Variants in KATNIP observed in about 807,000 individuals in gnomAD.
KATNIP encodes the protein katanin-interacting protein.
KATNIP carries 126 observed loss-of-function variants against 174.0 expected under a neutral mutation model. That is an observed-to-expected ratio of 0.72 (90% CI 0.63 to 0.84). The LOEUF (loss-of-function observed/expected upper bound fraction) is 0.84, where lower values mean the gene tolerates loss of function less well. KATNIP is among the 40% of genes least tolerant of loss of function. KATNIP has a pLI of 0.00. For missense variants in KATNIP, 1,958 were observed against 2,109.7 expected (o/e 0.93, Z 1.41); for synonymous variants, 810 against 835.7 (o/e 0.97, Z 0.53).
At chr16:27,699,666 A>G (rs2079031219) in intron 10 of KATNIP, 67 bp downstream of exon 10, 1 of 1,606,790 alleles carries the variant, frequency 6.2e-7, no homozygotes, top group African/African-American at 1.3e-5. Context: ...GGTGCCAGGC[A>G]GAGATGAATG....
intron 17 of KATNIP, 140 bp from the exon 18 acceptor site, chr16:27,754,033 C>A: frequency 1.4e-6 from 1 of 711,042 alleles, no homozygotes; most frequent in Non-Finnish European, 2.5e-6. Flanking sequence ...TCCACAAAGG[C>A]AGAAAAATCC....
chr16:27,579,415 T>G (rs1387719015), intron 2 of KATNIP, among the ~76,000 whole-genome samples: 1 of 152,106 alleles, frequency 6.6e-6, no homozygotes, highest in Non-Finnish European at 1.5e-5. Context: ...TGGAGAGGGT[T>G]AATACAGTCA....
intron 18 of KATNIP, chr16:27,754,488 G>A: frequency 1.8e-6 from 1 of 542,932 alleles, no homozygotes; most frequent in South Asian, 2.2e-5. Context: ...CTTCCCTGAG[G>A]GGCATTTTTG....
In KATNIP at chr16:27,713,827, T is replaced by C. The variant is rs59370328; in HGVS notation, c.1605+4907T>C. On this transcript the variant is annotated intron_variant, in intron 13 of 27. Transcript: ENST00000261588. Reference sequence around the variant, plus strand: ...GTATATACATATATATATATATATATATATATATATATATATATATATATA... The same window carrying C: ...GTATATACATATATATATATATATACATATATATATATATATATATATATA... Among the ~76,000 whole-genome samples, 27 of 64,704 alleles carry C rather than the reference T, an allele frequency of 4.2e-4. 1 individual carries two copies. The East Asian group carries it at 0.011, about 25-fold the overall frequency. 42.4% of individuals were successfully genotyped at this position (64,704 alleles called of 152,430 possible).
chr16:27,766,855 G>A (rs1437330796), intron 20 of KATNIP, among the ~76,000 whole-genome samples: 2 of 152,162 alleles, frequency 1.3e-5, no homozygotes, highest in East Asian at 3.9e-4. Context: ...CCAATGGGAG[G>A]TGGGTGTGAT....
At chr16:27,624,086 G>A (rs1317840621) in intron 3 of KATNIP, among the ~76,000 whole-genome samples, 1 of 152,194 alleles carries the variant, frequency 6.6e-6, no homozygotes, top group East Asian at 1.9e-4. Flanking sequence ...AAAGGTCCAG[G>A]TGAGGCCCCC....
intron 6 of KATNIP, among the ~76,000 whole-genome samples, chr16:27,663,808 CTA>C (rs2077601233): frequency 1.3e-5 from 2 of 151,252 alleles, no homozygotes; most frequent in South Asian, 2.1e-4. Flanking sequence ...TTTTCCCCTC[CTA>C]TATGTTTATT....
intron 13 of KATNIP, among the ~76,000 whole-genome samples, chr16:27,713,098 A>T (rs1376808620): frequency 6.6e-6 from 1 of 152,128 alleles, no homozygotes; most frequent in Non-Finnish European, 1.5e-5. Context: ...ATCAGCCACC[A>T]TACCCAGCCC....
chr16:27,618,995 A>G (rs1023604821), intron 3 of KATNIP, among the ~76,000 whole-genome samples: 2 of 152,258 alleles, frequency 1.3e-5, no homozygotes, highest in African/African-American at 4.8e-5. Flanking sequence ...AAAAGCTTGC[A>G]GTAGGTCCAG....
intron 13 of KATNIP, among the ~76,000 whole-genome samples, chr16:27,720,456 A>G (rs552489145): frequency 6.7e-6 from 1 of 148,404 alleles, no homozygotes; most frequent in Non-Finnish European, 1.5e-5. Context: ...ATGTGTGTGC[A>G]TTCATGTAGT....
rs144654012 is a variant in KATNIP, at chr16:27,760,322, A to G, written c.3632-1091A>G. Among the ~76,000 whole-genome samples, 227 of 152,274 alleles carry G rather than the reference A, an allele frequency of 1.5e-3. 1 individual carries two copies. Among genetic ancestry groups the G allele is most frequent in the African/African-American group, 5.3e-3 (220 of 41,564 alleles). On this transcript the variant is annotated intron_variant, in intron 18 of 27. Coordinates refer to ENST00000261588, the MANE Select transcript of KATNIP (RefSeq NM_015202.5). Reference sequence around the variant, plus strand: ...GTTTATTGTGTTTGGTCTTGCTCTAATGAGACACCGTTAAGGAAAGAGACG... The same window carrying G: ...GTTTATTGTGTTTGGTCTTGCTCTAGTGAGACACCGTTAAGGAAAGAGACG...
intron 15 of KATNIP, among the ~76,000 whole-genome samples, chr16:27,749,191 C>T (rs917998789): frequency 1.3e-5 from 2 of 152,152 alleles, no homozygotes; most frequent in African/African-American, 4.8e-5. Flanking sequence ...TTGGTTCACA[C>T]GATGATTGCA....
rs2082443965 is a variant in KATNIP at position 27,775,005 on chromosome 16, C to T, written c.4370C>T (p.Thr1457Ile). 1.2e-6 allele frequency: 2 copies of T among 1,613,722 alleles called. No homozygotes were observed. Among genetic ancestry groups the T allele is most frequent in the African/African-American group, 1.3e-5 (1 of 74,946 alleles). Residue 1457 changes from threonine to isoleucine, a missense_variant, in exon 24 of 28, where the codon ACC becomes ATC. Physicochemically the swap from Thr to Ile is moderately conservative, Grantham distance 89. Transcript: ENST00000261588. ...SLEGVGGDVR[T>I]PDKLIDQVND... Reference sequence around the variant, plus strand: ...GAGGGTGTGGGCGGGGACGTCCGCACCCCAGACAAGCTCATCGACCAAGTG... The same window carrying T: ...GAGGGTGTGGGCGGGGACGTCCGCATCCCAGACAAGCTCATCGACCAAGTG...
At chr16:27,682,069 G>A (rs1424008774) in intron 8 of KATNIP, among the ~76,000 whole-genome samples, 2 of 152,194 alleles carry the variant, frequency 1.3e-5, no homozygotes, top group East Asian at 1.9e-4. Context: ...CACCACCAAG[G>A]TGTGGTTATC....
chr16:27,735,304 C>G (rs1353373340), intron 14 of KATNIP, among the ~76,000 whole-genome samples: 1 of 152,182 alleles, frequency 6.6e-6, no homozygotes, highest in Non-Finnish European at 1.5e-5. Context: ...GGGCTCTGGA[C>G]TGGGGAAGGA....
At chr16:27,735,859 A>G (rs1174827864) in intron 14 of KATNIP, among the ~76,000 whole-genome samples, 1 of 152,216 alleles carries the variant, frequency 6.6e-6, no homozygotes, top group African/African-American at 2.4e-5. Flanking sequence ...ATCAGAAGCC[A>G]AGGCAACACG....
At chr16:27,753,448 G>A (rs1223182810) in intron 17 of KATNIP, among the ~76,000 whole-genome samples, 1 of 152,136 alleles carries the variant, frequency 6.6e-6, no homozygotes, top group Non-Finnish European at 1.5e-5. Flanking sequence ...GGGGCTGGGG[G>A]GATCACTCTC....
At position 27,721,621 on chromosome 16, in the gene KATNIP, A is replaced by G. The variant is rs1162234555; in HGVS notation, c.1669A>G (p.Ile557Val). 1 of 1,613,992 alleles carries G rather than the reference A, an allele frequency of 6.2e-7. No individual in the cohort carries two copies. Among genetic ancestry groups the G allele is most frequent in the Admixed American group, 1.7e-5 (1 of 60,000 alleles). Reference protein sequence around the residue: ...FHPPLQLFFVIRNTRQLGDFH... With the variant: ...FHPPLQLFFVVRNTRQLGDFH... The stretch of plus-strand genomic sequence containing the variant: ...CCCACCACTCCAGCTGTTTTTTGTT[A>G]TTCGAAACACAAGACAGCTGGGGGA... Residue 557 changes from isoleucine (I) to valine (V), a missense_variant, in exon 14 of 28, where the codon ATT becomes GTT. Physicochemically the swap from Ile to Val is conservative, Grantham distance 29. Transcript: ENST00000261588.
At chr16:27,665,515 T>TAA (rs2077649970) in intron 6 of KATNIP, among the ~76,000 whole-genome samples, 1 of 152,200 alleles carries the variant, frequency 6.6e-6, no homozygotes, top group South Asian at 2.1e-4. Context: ...TTGAGTCAAC[T>TAA]AAACCTCTTT....
Sources: allele counts gnomAD v4.1 joint callset (sites outside exome capture counted in the v4.1 genomes callset), GRCh38; gene constraint gnomAD v4.1.1; transcripts MANE v1.5; gene names NCBI Gene and HGNC (gene_info 2026-07-23, HGNC 2026-07-21).